PKD1L3: variants seen among roughly 807,000 people sequenced by gnomAD.
PKD1L3 encodes polycystin-1-like protein 3.
A neutral mutation model predicts 184.1 loss-of-function variants in PKD1L3; 239 were observed. That is an observed-to-expected ratio of 1.30 (90% CI 1.17 to 1.45). The LOEUF (loss-of-function observed/expected upper bound fraction) is 1.45. PKD1L3 is among the 40% of genes most tolerant of loss of function. The probability of loss-of-function intolerance (pLI) is 0.00; values close to 1 mark genes in which losing one functional copy is unlikely to be tolerated. For missense variants in PKD1L3, 2,660 were observed against 2,067.2 expected (o/e 1.29, Z -5.56); for synonymous variants, 996 against 778.8 (o/e 1.28, Z -4.64).
chr16:71,994,600 A>G (rs2040714726), intron 2 of PKD1L3, among the ~76,000 whole-genome samples: 1 of 152,158 alleles, frequency 6.6e-6, no homozygotes, highest in South Asian at 2.1e-4. Context: ...CTATTGCCCC[A>G]GCTGTTTCCT....
chr16:71,940,736 G>C (rs2038333251), intron 24 of PKD1L3, among the ~76,000 whole-genome samples: 1 of 152,142 alleles, frequency 6.6e-6, no homozygotes, highest in African/African-American at 2.4e-5. Flanking sequence ...CTGACTTCAG[G>C]TCATCTGCCT....
intron 12 of PKD1L3, 50 bp from the exon 13 acceptor site, chr16:71,970,155 G>A: frequency 1.4e-6 from 2 of 1,422,486 alleles, no homozygotes; most frequent in Non-Finnish European, 1.9e-6. Context: ...GTGCTAAGGA[G>A]GGGACAGACA....
chr16:71,950,056 C>T (rs757697075), intron 20 of PKD1L3, 39 bp from the exon 21 acceptor site: 71 of 1,549,054 alleles, frequency 4.6e-5, no homozygotes, highest in East Asian at 3.7e-4. Flanking sequence ...TTGTATGCAT[C>T]GGCTGAGATA....
At position 71,929,653 on chromosome 16, in the gene PKD1L3, A is replaced by C. The variant is rs1461435775; in HGVS notation, c.5084T>G (p.Leu1695Arg). 15 of 1,551,512 alleles carry C rather than the reference A, an allele frequency of 9.7e-6. No homozygotes were observed. The highest frequency in any genetic ancestry group is 1.2e-5 in the Non-Finnish European group (14 of 1,146,804). ...LKKEAALIDTLLQKLSNLLGI... is the reference protein window; with the variant it reads ...LKKEAALIDTRLQKLSNLLGI... Reference sequence around the variant, plus strand: ...TAACAAATTTGAGAGCTTCTGTAGCAGTGTATCTATTAGTGCAGCTTCTTT... The same window carrying C: ...TAACAAATTTGAGAGCTTCTGTAGCCGTGTATCTATTAGTGCAGCTTCTTT... The change falls in exon 30 of 30, where the codon CTG becomes CGG. Residue 1695 changes from leucine (L) to arginine (R), a missense_variant. By Grantham distance (102) the Leu-to-Arg change is moderately radical (BLOSUM62 -2). Transcript: ENST00000620267.
At chr16:71,946,728 A>G (rs1208119217) in intron 22 of PKD1L3, among the ~76,000 whole-genome samples, 1 of 129,110 alleles carries the variant, frequency 7.7e-6, no homozygotes, top group Non-Finnish European at 1.6e-5. Context: ...GGGCAGGCAA[A>G]CAATTCAGTT....
intron 28 of PKD1L3, among the ~76,000 whole-genome samples, chr16:71,932,639 A>G (rs939086725): frequency 6.6e-6 from 1 of 151,932 alleles, no homozygotes; most frequent in Non-Finnish European, 1.5e-5. Flanking sequence ...ACGCCTGGCT[A>G]GGCTAATTTT....
chr16:71,965,093 C>A (rs559539249), intron 15 of PKD1L3, among the ~76,000 whole-genome samples: 2 of 152,238 alleles, frequency 1.3e-5, no homozygotes, highest in South Asian at 4.1e-4. Flanking sequence ...AGTGATCTAA[C>A]CACCTTGGCC....
At chr16:71,937,759 C>T (rs2038229860) in intron 24 of PKD1L3, among the ~76,000 whole-genome samples, 1 of 152,272 alleles carries the variant, frequency 6.6e-6, no homozygotes, top group South Asian at 2.1e-4. Context: ...ACTGATACCC[C>T]ACGAGTACTA....
Position 71,978,325 on chromosome 16 carries a change from C to A in PKD1L3, c.1457G>T (p.Ser486Ile), listed in dbSNP as rs1236590951. ...KDLDNRNIVGSIGSVLLSANR... is the reference protein window; with the variant it reads ...KDLDNRNIVGIIGSVLLSANR... ...AGCGCTTAGTAACACACTTCCAATGCTTCCAACAATGTTTCTGTTGTCCAA... is the reference window on the plus strand; with the variant it reads ...AGCGCTTAGTAACACACTTCCAATGATTCCAACAATGTTTCTGTTGTCCAA... The change falls in exon 10 of 30, where the codon AGC becomes ATC. Residue 486 changes from serine (S) to isoleucine (I), a missense_variant. Physicochemically the swap from Ser to Ile is moderately radical, Grantham distance 142. Transcript: ENST00000620267. 6.4e-7 allele frequency: 1 copy of A among 1,550,832 alleles called. No individual in the cohort carries two copies. Among genetic ancestry groups the A allele is most frequent in the Non-Finnish European group, 8.7e-7 (1 of 1,146,506 alleles).
Position 71,930,325 on chromosome 16 carries a change from A to T in PKD1L3, c.4927-142T>A, listed in dbSNP as rs2037897811. 9 of 816,548 alleles carry T rather than the reference A, an allele frequency of 1.1e-5. No homozygotes were observed. In the South Asian group the frequency reaches 2.9e-4, roughly 27 times the overall value. 50.6% of individuals were successfully genotyped at this position (816,548 alleles called of 1,614,324 possible). ...TTAGGGAGAGAGTCAAAAGATAATA[A>T]GAAGGAAAATACTTTTAAATGGACA... On this transcript the variant is annotated intron_variant, in intron 28 of 29. Transcript: ENST00000620267.
intron 5 of PKD1L3, 53 bp from the exon 6 acceptor site, chr16:71,984,220 T>C: frequency 1.3e-6 from 2 of 1,512,196 alleles, no homozygotes; most frequent in Middle Eastern, 1.7e-4. Flanking sequence ...TACTGTACTG[T>C]AGTAGTCAGG....
chr16:71,952,310 T>C (rs1450283136), intron 18 of PKD1L3, among the ~76,000 whole-genome samples: 1 of 146,466 alleles, frequency 6.8e-6, no homozygotes, highest in East Asian at 2.1e-4. Context: ...CCTCCTGGGT[T>C]CAAGTGATTC....
chr16:71,947,017 A>G (rs2038643001), intron 22 of PKD1L3, among the ~76,000 whole-genome samples: 1 of 151,570 alleles, frequency 6.6e-6, no homozygotes, highest in Admixed American at 6.6e-5. Flanking sequence ...AGCACTTGGG[A>G]GGCCGAGGAG....
At chr16:71,933,671 A>G (rs750379286) in intron 27 of PKD1L3, 150 bp from the exon 28 acceptor site, 11 of 737,368 alleles carry the variant, frequency 1.5e-5, no homozygotes, top group African/African-American at 3.5e-5. Context: ...TTCCTTTGTA[A>G]TAACATAGTG....
intron 4 of PKD1L3, among the ~76,000 whole-genome samples, chr16:71,987,082 G>A (rs559609548): frequency 1.3e-5 from 2 of 151,108 alleles, no homozygotes; most frequent in South Asian, 2.1e-4. Flanking sequence ...GCACCACCAT[G>A]CCCGGCTAAT....
intron 15 of PKD1L3, 123 bp downstream of exon 15, chr16:71,967,014 A>T: frequency 8.9e-7 from 1 of 1,123,782 alleles, no homozygotes. Flanking sequence ...TTGAAACTGA[A>T]ATCTAATAGT....
Position 71,977,469 on chromosome 16 carries a change from T to C in PKD1L3, c.1528-2A>G. On this transcript the variant is annotated splice_acceptor_variant, in intron 10 of 29. Coordinates refer to ENST00000620267, the MANE Select transcript of PKD1L3 (RefSeq NM_181536.2). LOFTEE classifies it high-confidence loss of function. Reference sequence around the variant, plus strand: ...GCTAACATTTCTCCAGAGCATGATCTAGAATAAGAGACAGTTAATCATTAT... The same window carrying C: ...GCTAACATTTCTCCAGAGCATGATCCAGAATAAGAGACAGTTAATCATTAT... The C allele has an allele frequency of 6.5e-7, 1 of 1,537,080 alleles. No individual in the cohort carries two copies. Among genetic ancestry groups the C allele is most frequent in the Non-Finnish European group, 8.8e-7 (1 of 1,133,910 alleles).
At chr16:71,991,799 C>G (rs902729639) in intron 3 of PKD1L3, among the ~76,000 whole-genome samples, 3 of 152,152 alleles carry the variant, frequency 2.0e-5, no homozygotes, top group Non-Finnish European at 2.9e-5. Flanking sequence ...TAGATACACA[C>G]TGAGAAAATT....
intron 22 of PKD1L3, among the ~76,000 whole-genome samples, chr16:71,944,990 G>T (rs2038510769): frequency 6.6e-6 from 1 of 150,804 alleles, no homozygotes; most frequent in African/African-American, 2.4e-5. Context: ...ATTAAAAAAA[G>T]AAAAAAATAA....
Sources: allele counts gnomAD v4.1 joint callset (sites outside exome capture counted in the v4.1 genomes callset), GRCh38; gene constraint gnomAD v4.1.1; transcripts MANE v1.5; gene names NCBI Gene and HGNC (gene_info 2026-07-23, HGNC 2026-07-21).